ANGPT4: variants seen among roughly 807,000 people sequenced by gnomAD.
ANGPT4 encodes angiopoietin-4.
ANGPT4 carries 50 observed loss-of-function variants against 53.0 expected under a neutral mutation model. The ratio of observed to expected loss-of-function variants is 0.94; its 90% CI spans 0.75 to 1.20. The LOEUF is 1.20. Ranked by LOEUF, ANGPT4 falls within the 50% of genes most tolerant of loss-of-function variation. ANGPT4 has a pLI of 0.00. For synonymous variants in ANGPT4, 251 were observed against 259.7 expected (o/e 0.97, Z 0.32); for missense variants, 648 against 637.1 (o/e 1.02, Z -0.18).
At chr20:896,099 C>T (rs372507667) in intron 1 of ANGPT4, among the ~76,000 whole-genome samples, 4 of 152,090 alleles carry the variant, frequency 2.6e-5, no homozygotes, top group Admixed American at 6.6e-5. Context: ...TATAAAATGC[C>T]GCAGATATAC....
intron 7 of ANGPT4, among the ~76,000 whole-genome samples, chr20:877,351 T>G (rs1014730770): frequency 1.3e-5 from 2 of 152,238 alleles, no homozygotes; most frequent in Non-Finnish European, 2.9e-5. Context: ...GGACCCAGGC[T>G]TATCTAAAAG....
intron 1 of ANGPT4, among the ~76,000 whole-genome samples, chr20:912,807 T>C (rs1404871886): frequency 6.6e-6 from 1 of 152,028 alleles, no homozygotes. Context: ...TTGGAAACTC[T>C]GCAGTAGAAG....
intron 1 of ANGPT4, among the ~76,000 whole-genome samples, chr20:901,408 C>T (rs1395626373): frequency 6.6e-6 from 1 of 152,132 alleles, no homozygotes; most frequent in Non-Finnish European, 1.5e-5. Flanking sequence ...GACCCCTGCC[C>T]CTGCCCACAA....
rs755675215 is a variant in ANGPT4 at position 870,985 on chromosome 20, T to G, written c.*1975A>C. The G allele has an allele frequency of 1.3e-5, 2 of 152,310 alleles. No individual in the cohort carries two copies. The highest frequency in any genetic ancestry group is 1.5e-5 in the Non-Finnish European group (1 of 68,104). The allele number at this position is 152,310 out of a possible 1,614,324, so 9.4% of individuals were successfully genotyped here. On this transcript the variant is annotated 3_prime_UTR_variant, in exon 9 of 9. Transcript: ENST00000381922. Reference sequence around the variant, plus strand: ...GAGGCTTTGATGATGTGAAGATAACTGGTGCCTTGAGAGGCTGAGCCACTG... The same window carrying G: ...GAGGCTTTGATGATGTGAAGATAACGGGTGCCTTGAGAGGCTGAGCCACTG...
At chr20:879,423 C>A (rs182737132) in intron 6 of ANGPT4, among the ~76,000 whole-genome samples, 19 of 152,212 alleles carry the variant, frequency 1.2e-4, no homozygotes, top group African/African-American at 4.6e-4. Context: ...ATTAAAGCAA[C>A]GCAGTCAGGG....
chr20:881,190 T>C lies in ANGPT4; in HGVS notation c.932A>G (p.Asn311Ser), dbSNP rs1015906546. The stretch of plus-strand genomic sequence containing the variant: ...CCTAACCTTCCTGGGCTTCGTTGCA[T>C]TGGACACCTGGATGGTGTAGACACC... ...ASGVYTIQVSNATKPRKVFCD... is the reference protein window; with the variant it reads ...ASGVYTIQVSSATKPRKVFCD... The change falls in exon 5 of 9, where the codon AAT (asparagine) becomes AGT (serine). Residue 311 changes from asparagine to serine, a missense_variant. Transcript: ENST00000381922. The C allele has an allele frequency of 8.8e-6, 14 of 1,597,030 alleles. No homozygotes were observed. Among genetic ancestry groups the C allele is most frequent in the Middle Eastern group, 1.7e-4 (1 of 5,966 alleles).
At chr20:876,799 T>C (rs997974928) in intron 7 of ANGPT4, among the ~76,000 whole-genome samples, 1 of 151,946 alleles carries the variant, frequency 6.6e-6, no homozygotes. Flanking sequence ...TTCATTCAGC[T>C]CTGGACCTTG....
chr20:880,804 C>A (rs774980546), intron 5 of ANGPT4, among the ~76,000 whole-genome samples: 1 of 152,168 alleles, frequency 6.6e-6, no homozygotes, highest in Non-Finnish European at 1.5e-5. Flanking sequence ...GAGCAGAACC[C>A]CAACTCCTGC....
At chr20:882,274 C>A (rs1981438509) in intron 4 of ANGPT4, among the ~76,000 whole-genome samples, 1 of 152,140 alleles carries the variant, frequency 6.6e-6, no homozygotes, top group Non-Finnish European at 1.5e-5. Context: ...TTTAAAATCT[C>A]CTCTGTCTCA....
chr20:878,418 A>G, intron 6 of ANGPT4, 91 bp from the exon 7 acceptor site: 1 of 1,313,128 alleles, frequency 7.6e-7, no homozygotes, highest in Non-Finnish European at 1.0e-6. Flanking sequence ...CTCCAGGGCT[A>G]CTTATACAAA....
rs1167363198 is a variant in ANGPT4, at chr20:881,823, A to AG, written c.836-538dup. Among the ~76,000 whole-genome samples, 26 of 152,262 alleles carry AG rather than the reference A, an allele frequency of 1.7e-4. No individual in the cohort carries two copies. In the East Asian group the frequency reaches 3.5e-3, roughly 20 times the overall value. ...AAAGAGCACTCTGTCCAGAGTGTGG[A>AG]GGGGGGCCTGGAGGGGATGAGACTC... On this transcript the variant is annotated intron_variant, in intron 4 of 8. Transcript: ENST00000381922.
intron 8 of ANGPT4, 48 bp from the exon 9 acceptor site, chr20:873,168 C>A (rs1024578707): frequency 6.3e-7 from 1 of 1,589,150 alleles, no homozygotes. Context: ...GGAGCCCAGC[C>A]AGTGGCAAGA....
intron 5 of ANGPT4, 25 bp downstream of exon 5, chr20:881,146 C>T (rs762104659): frequency 6.5e-7 from 1 of 1,539,268 alleles, no homozygotes; most frequent in Admixed American, 2.0e-5. Flanking sequence ...CTCTAACAGC[C>T]ACAGTTCCCA....
intron 3 of ANGPT4, 134 bp downstream of exon 3, chr20:888,184 A>G: frequency 8.0e-7 from 1 of 1,249,250 alleles, no homozygotes. Context: ...CCTATCCCAG[A>G]CACCAGCCCA....
intron 1 of ANGPT4, among the ~76,000 whole-genome samples, chr20:907,486 C>T (rs1433901635): frequency 6.6e-6 from 1 of 152,202 alleles, no homozygotes; most frequent in African/African-American, 2.4e-5. Context: ...CGATCGCTCA[C>T]CTCCCTGACA....
At chr20:899,461 G>A (rs982311261) in intron 1 of ANGPT4, among the ~76,000 whole-genome samples, 2 of 151,842 alleles carry the variant, frequency 1.3e-5, no homozygotes, top group Admixed American at 6.6e-5. Flanking sequence ...CACCGTGTTA[G>A]CCAGGATATT....
chr20:913,954 C>T (rs572080967), intron 1 of ANGPT4, among the ~76,000 whole-genome samples: 58 of 152,196 alleles, frequency 3.8e-4, no homozygotes, highest in African/African-American at 1.3e-3. Context: ...GTTGAGACAC[C>T]CATGGACCCT....
At chr20:904,062 GT>G (rs1982388844) in intron 1 of ANGPT4, among the ~76,000 whole-genome samples, 1 of 152,198 alleles carries the variant, frequency 6.6e-6, no homozygotes, top group Non-Finnish European at 1.5e-5. Context: ...CTAGCTGTGT[GT>G]GTGTGTTTCA....
Position 881,243 on chromosome 20 carries a change from C to G in ANGPT4, c.879G>C (p.Glu293Asp), listed in dbSNP as rs148851474. The G allele has an allele frequency of 3.1e-6, 5 of 1,613,960 alleles. No individual in the cohort carries two copies. The African/African-American group carries it at 5.3e-5, about 17-fold the overall frequency. ...AGEQVFQDCA[E>D]IQRSGASASG... is the part of the protein sequence containing the mutation. ...TGGCACTGGCCCCAGAGCGCTGGAT[C>G]TCTGCACAGTCCTGGAACACCTGCT... The change falls in exon 5 of 9, where the codon GAG becomes GAC. Residue 293 changes from glutamate to aspartate, a missense_variant. Coordinates refer to ENST00000381922, the MANE Select transcript of ANGPT4 (RefSeq NM_015985.4).
Sources: allele counts gnomAD v4.1 joint callset (sites outside exome capture counted in the v4.1 genomes callset), GRCh38; gene constraint gnomAD v4.1.1; transcripts MANE v1.5; gene names NCBI Gene and HGNC (gene_info 2026-07-23, HGNC 2026-07-21).